The following ARL15 variants were observed in gnomAD, a reference collection of about 807,000 sequenced individuals.
ARL15 encodes the protein ARF like GTPase 15.
In ARL15, 19 loss-of-function variants were observed where a neutral mutation model predicts 25.2. The ratio of observed to expected loss-of-function variants is 0.75; its 90% CI spans 0.53 to 1.10. The LOEUF is 1.10. Ranked by LOEUF, ARL15 falls within the 50% of genes least tolerant of loss-of-function variation. The pLI, the probability that ARL15 is intolerant of heterozygous loss-of-function variation, is 0.00. For missense variants in ARL15, 220 were observed against 246.0 expected (o/e 0.89, Z 0.71); for synonymous variants, 94 against 86.8 (o/e 1.08, Z -0.46).
At chr5:54,302,782 G>C (rs1057034734) in intron 1 of ARL15, among the ~76,000 whole-genome samples, 11 of 147,504 alleles carry the variant, frequency 7.5e-5, no homozygotes, top group African/African-American at 2.8e-4. Flanking sequence ...GCATGGCTGG[G>C]AAGCCAGCCC....
chr5:54,276,135 C>T (rs552699848), intron 1 of ARL15, among the ~76,000 whole-genome samples: 24 of 152,280 alleles, frequency 1.6e-4, no homozygotes, highest in African/African-American at 5.1e-4. Context: ...CAAGCCAACA[C>T]CTTAATTCAT....
At chr5:54,087,483 T>A (rs1293780164) in intron 4 of ARL15, among the ~76,000 whole-genome samples, 2 of 152,178 alleles carry the variant, frequency 1.3e-5, no homozygotes, top group Non-Finnish European at 2.9e-5. Context: ...CAAAAGCATG[T>A]CATGGTTAGA....
In ARL15 at chr5:54,076,687, A is replaced by G. The variant is rs1184421806; in HGVS notation, c.462+36515T>C. ...TTAGCTGACATCTCGTTACAATGGT[A>G]CTACGTTCTAATAGATTGTGGAGGT... On this transcript the variant is annotated intron_variant, in intron 4 of 4. Transcript: ENST00000504924. Among the ~76,000 whole-genome samples, 8 of 152,186 alleles carry G rather than the reference A, an allele frequency of 5.3e-5. No individual in the cohort carries two copies. In the East Asian group the frequency reaches 1.4e-3, roughly 26 times the overall value.
chr5:54,113,136 G>C, intron 4 of ARL15, 66 bp downstream of exon 4: 3 of 1,502,802 alleles, frequency 2.0e-6, no homozygotes, highest in Non-Finnish European at 1.8e-6. Flanking sequence ...CATTTTTCCA[G>C]GTTCCAACGT....
chr5:54,306,754 A>G (rs182168648), intron 1 of ARL15, among the ~76,000 whole-genome samples: 1 of 152,298 alleles, frequency 6.6e-6, no homozygotes, highest in African/African-American at 2.4e-5. Flanking sequence ...CTTTCCCTCC[A>G]CTATCTCATT....
chr5:54,151,052 C>A (rs1047780073), intron 3 of ARL15, among the ~76,000 whole-genome samples: 1 of 152,100 alleles, frequency 6.6e-6, no homozygotes, highest in Non-Finnish European at 1.5e-5. Context: ...ACAGTCAAAT[C>A]ATCATGTCTG....
chr5:53,935,874 G>A (rs1746333928), intron 4 of ARL15, among the ~76,000 whole-genome samples: 2 of 152,044 alleles, frequency 1.3e-5, no homozygotes, highest in African/African-American at 2.4e-5. Flanking sequence ...TCAGCCTGCT[G>A]AGTAGCTGAG....
At chr5:54,116,385 G>C (rs1473499014) in intron 3 of ARL15, among the ~76,000 whole-genome samples, 1 of 152,098 alleles carries the variant, frequency 6.6e-6, no homozygotes, top group African/African-American at 2.4e-5. Flanking sequence ...ATATGCTTGA[G>C]AACCATCCAT....
At chr5:54,127,024 CA>C (rs1383909297) in intron 3 of ARL15, among the ~76,000 whole-genome samples, 1 of 152,058 alleles carries the variant, frequency 6.6e-6, no homozygotes, top group Non-Finnish European at 1.5e-5. Context: ...CAACAGTCCC[CA>C]GAGTGTGATG....
intron 4 of ARL15, among the ~76,000 whole-genome samples, chr5:53,910,636 TATATATATATA>T (rs1186454243): frequency 0.16 from 17,912 of 109,242 alleles, 1,990 homozygotes; most frequent in South Asian, 0.26. Context: ...AAAAAAATTA[TATATATATATA>T]TATATATATA....
At chr5:54,225,943 A>G (rs944417811) in intron 1 of ARL15, among the ~76,000 whole-genome samples, 4 of 152,206 alleles carry the variant, frequency 2.6e-5, no homozygotes, top group African/African-American at 9.7e-5. Context: ...GTGAAGAAGG[A>G]TCGAAAACTA....
chr5:53,986,794 G>C (rs1748313310), intron 4 of ARL15, among the ~76,000 whole-genome samples: 1 of 152,188 alleles, frequency 6.6e-6, no homozygotes, highest in South Asian at 2.1e-4. Context: ...CTACAATAGT[G>C]AAGAAGCCTG....
intron 1 of ARL15, among the ~76,000 whole-genome samples, chr5:54,249,307 T>A (rs2289854): frequency 2.6e-5 from 4 of 151,520 alleles, no homozygotes; most frequent in Admixed American, 2.0e-4. Flanking sequence ...TAGAACTTTC[T>A]ATGTACATCT....
intron 4 of ARL15, among the ~76,000 whole-genome samples, chr5:53,892,203 A>G (rs1249449810): frequency 6.6e-6 from 1 of 152,240 alleles, no homozygotes; most frequent in Non-Finnish European, 1.5e-5. Context: ...GTATCTGGAT[A>G]GAAGACTGTT....
At chr5:53,913,026 A>C (rs1265045458) in intron 4 of ARL15, among the ~76,000 whole-genome samples, 1 of 152,208 alleles carries the variant, frequency 6.6e-6, no homozygotes, top group Non-Finnish European at 1.5e-5. Flanking sequence ...CAGGCCAGGC[A>C]TGCTGGCTCA....
At chr5:53,953,829 G>A (rs1338832190) in intron 4 of ARL15, among the ~76,000 whole-genome samples, 1 of 152,136 alleles carries the variant, frequency 6.6e-6, no homozygotes, top group Non-Finnish European at 1.5e-5. Flanking sequence ...TGATTCAAAA[G>A]TGACAAGCAA....
rs545314623 is a variant in ARL15, at chr5:54,188,368, A to G, written c.49-16440T>C. On this transcript the variant is annotated intron_variant, in intron 1 of 4. Transcript: ENST00000504924. ...CCTCATTTGCTTGGTGAATCTGTGG[A>G]AATAATTTATGATATTCTATACAAG... Among the ~76,000 whole-genome samples, 7 of 152,296 alleles carry G rather than the reference A, an allele frequency of 4.6e-5. No individual in the cohort carries two copies. The East Asian group carries it at 1.4e-3, about 29-fold the overall frequency.
intron 3 of ARL15, among the ~76,000 whole-genome samples, chr5:54,146,856 TG>T (rs1362337963): frequency 6.6e-6 from 1 of 152,110 alleles, no homozygotes; most frequent in Non-Finnish European, 1.5e-5. Flanking sequence ...AGACTATGAC[TG>T]GGAAGATAAA....
intron 4 of ARL15, among the ~76,000 whole-genome samples, chr5:53,965,624 CTT>C (rs755943456): frequency 7.0e-6 from 1 of 142,188 alleles, no homozygotes. Flanking sequence ...TTCTGTTTTT[CTT>C]TTTTTTTTTT....
Sources: gnomAD v4.1 joint callset for allele counts (sites outside exome capture counted in the v4.1 genomes callset) on GRCh38, gnomAD v4.1.1 for gene constraint, MANE v1.5 for transcripts, NCBI Gene and HGNC (gene_info 2026-07-23, HGNC 2026-07-21) for gene names.